Variants in ETNK1 observed in about 807,000 individuals in gnomAD.
The protein encoded by ETNK1 is ethanolamine kinase 1.
In ETNK1, 8 loss-of-function variants were observed where a neutral mutation model predicts 45.1. The ratio of observed to expected loss-of-function variants is 0.18; its 90% CI spans 0.10 to 0.32. The LOEUF (loss-of-function observed/expected upper bound fraction) is 0.32, where lower values mean the gene tolerates loss of function less well. Ranked by LOEUF, ETNK1 falls within the 10% of genes least tolerant of loss-of-function variation. The pLI, the probability that ETNK1 is intolerant of heterozygous loss-of-function variation, is 1.00. For missense variants in ETNK1, 302 were observed against 430.6 expected (o/e 0.70, Z 2.64); for synonymous variants, 152 against 151.9 (o/e 1.00, Z -0.01).
chr12:22,632,168 G>A (rs8181769), intron 1 of ETNK1, among the ~76,000 whole-genome samples: 43,832 of 151,056 alleles, frequency 0.29, 6,647 homozygotes, highest in Non-Finnish European at 0.33. Flanking sequence ...AGTGCATGAA[G>A]GTCTTTGTAC....
chr12:22,625,174 G>A lies in ETNK1; in HGVS notation c.-257G>A, dbSNP rs765585549. On this transcript the variant is annotated 5_prime_UTR_variant, in exon 1 of 8. Transcript: ENST00000266517. ...CAGGCCAGCCCCGGCATGCTCTGCG[G>A]CCGCCCGCGGTCCAGCTCCGACAAC... 6.3e-7 allele frequency: 1 copy of A among 1,596,322 alleles called. No homozygotes were observed. Among genetic ancestry groups the A allele is most frequent in the Admixed American group, 1.7e-5 (1 of 59,184 alleles).
At chr12:22,647,961 T>C (rs1953827938) in intron 2 of ETNK1, among the ~76,000 whole-genome samples, 1 of 151,992 alleles carries the variant, frequency 6.6e-6, no homozygotes, top group African/African-American at 2.4e-5. Context: ...ATCAGATATC[T>C]TTTAAATGAT....
intron 3 of ETNK1, among the ~76,000 whole-genome samples, chr12:22,660,395 A>G (rs1484144768): frequency 1.3e-5 from 2 of 152,176 alleles, no homozygotes; most frequent in Non-Finnish European, 2.9e-5. Context: ...AATTAATACA[A>G]GTATAGATAA....
chr12:22,626,094 A>C (rs1476648846), intron 1 of ETNK1: 1 of 343,364 alleles, frequency 2.9e-6, no homozygotes, highest in Non-Finnish European at 5.8e-6. Flanking sequence ...AGTAATGACC[A>C]CGACCATGCA....
chr12:22,680,074 C>A (rs533440566), intron 6 of ETNK1, among the ~76,000 whole-genome samples: 1 of 152,276 alleles, frequency 6.6e-6, no homozygotes, highest in Admixed American at 6.5e-5. Flanking sequence ...TGCTCAGTCT[C>A]TTAATCTGGC....
chr12:22,678,908 T>C (rs1391440178), intron 6 of ETNK1, among the ~76,000 whole-genome samples: 1 of 152,244 alleles, frequency 6.6e-6, no homozygotes, highest in African/African-American at 2.4e-5. Flanking sequence ...GTTATGTTTA[T>C]ATGTATTTTG....
chr12:22,671,841 T>TA (rs555930582), intron 5 of ETNK1, among the ~76,000 whole-genome samples: 1,916 of 98,186 alleles, frequency 0.02, 56 homozygotes, highest in African/African-American at 0.058. Flanking sequence ...TCCATCTCAT[T>TA]AAAAAAAAAA....
intron 2 of ETNK1, 116 bp downstream of exon 2, chr12:22,644,138 T>G (rs939597715): frequency 6.7e-7 from 1 of 1,503,370 alleles, no homozygotes; most frequent in African/African-American, 1.4e-5. Context: ...TTAGAAACTT[T>G]CTTTAGCTAG....
chr12:22,670,691 C>A (rs1954099213), intron 4 of ETNK1, among the ~76,000 whole-genome samples: 1 of 152,062 alleles, frequency 6.6e-6, no homozygotes, highest in East Asian at 1.9e-4. Context: ...GATATGGAAA[C>A]CTTGGTTAGG....
At chr12:22,644,331 A>G (rs1241191241) in intron 2 of ETNK1, 1 of 1,539,296 alleles carries the variant, frequency 6.5e-7, no homozygotes, top group Non-Finnish European at 8.8e-7. Context: ...AGTGTTATAC[A>G]TTTCTTACTG....
rs377063571 is a variant in ETNK1, at chr12:22,644,344, G to A, written c.416+322G>A. ...GAAGTGTTATACATTTCTTACTGCC[G>A]ATTGCTTATTACTTAATTGTTCATG... On this transcript the variant is annotated intron_variant, in intron 2 of 7. Coordinates refer to ENST00000266517, the MANE Select transcript of ETNK1 (RefSeq NM_018638.5). 9.9e-6 allele frequency: 15 copies of A among 1,511,010 alleles called. No individual in the cohort carries two copies. The African/African-American group carries it at 1.1e-4, about 11-fold the overall frequency. The allele number at this position is 1,511,010 out of a possible 1,614,324, so 93.6% of individuals were successfully genotyped here.
chr12:22,684,494 C>A lies in ETNK1; in HGVS notation c.957C>A (p.Phe319Leu). 6.2e-7 allele frequency: 1 copy of A among 1,608,418 alleles called. No homozygotes were observed. The highest frequency in any genetic ancestry group is 1.3e-5 in the African/African-American group (1 of 74,704). Residue 319 changes from phenylalanine (F) to leucine (L), a missense_variant, in exon 7 of 8, where the codon TTC (phenylalanine) becomes TTA (leucine). By Grantham distance (22) the Phe-to-Leu change is conservative. This residue lies in a region of ETNK1 where 94 missense variants were observed against 152.9 expected (regional missense o/e 0.61). Coordinates refer to ENST00000266517, the MANE Select transcript of ETNK1 (RefSeq NM_018638.5). Reference sequence around the variant, plus strand: ...TTCCTTCTTTTAAGGCTTCTCATTTCTTTTGGGGATTGTGGGCTTTGATTC... The same window carrying A: ...TTCCTTCTTTTAAGGCTTCTCATTTATTTTGGGGATTGTGGGCTTTGATTC... The part of the protein sequence containing the change: ...QVNQFALASH[F>L]FWGLWALIQA...
chr12:22,680,462 A>G (rs1009893494), intron 6 of ETNK1, among the ~76,000 whole-genome samples: 1 of 152,040 alleles, frequency 6.6e-6, no homozygotes, highest in Non-Finnish European at 1.5e-5. Context: ...CTTATTTCCC[A>G]CTACTTCACA....
chr12:22,651,937 C>T (rs1056698433), intron 2 of ETNK1, among the ~76,000 whole-genome samples: 10 of 152,228 alleles, frequency 6.6e-5, no homozygotes, highest in South Asian at 2.1e-4. Flanking sequence ...CTGCCCACCT[C>T]GGCCTCCCAA....
At position 22,684,970 on chromosome 12, in the gene ETNK1, A is replaced by T; in HGVS notation, c.*16A>T. ...GCCTGAGTAAAGAAGAGATTTAATT[A>T]TTCTCCAGTAGCTGAGCAATGCTTG... is the stretch of plus-strand genomic sequence containing the variant. On this transcript the variant is annotated 3_prime_UTR_variant, in exon 8 of 8. Transcript: ENST00000266517. 1.3e-6 allele frequency: 2 copies of T among 1,554,014 alleles called. No individual in the cohort carries two copies.
intron 2 of ETNK1, among the ~76,000 whole-genome samples, chr12:22,652,552 T>G (rs915233619): frequency 6.6e-6 from 1 of 152,200 alleles, no homozygotes; most frequent in Non-Finnish European, 1.5e-5. Flanking sequence ...CTAATGGATA[T>G]GAGGTGGTAT....
chr12:22,637,202 A>C (rs1045422329), intron 1 of ETNK1, among the ~76,000 whole-genome samples: 2 of 152,248 alleles, frequency 1.3e-5, no homozygotes, highest in African/African-American at 2.4e-5. Context: ...CTCTCAAGAC[A>C]TTAAGCCGGG....
intron 1 of ETNK1, among the ~76,000 whole-genome samples, chr12:22,635,905 A>G (rs1953649995): frequency 6.6e-6 from 1 of 152,084 alleles, no homozygotes; most frequent in Non-Finnish European, 1.5e-5. Flanking sequence ...AAAAGAATGT[A>G]TGTTCTTGGC....
intron 6 of ETNK1, among the ~76,000 whole-genome samples, chr12:22,680,626 G>A (rs1954204975): frequency 6.6e-6 from 1 of 152,118 alleles, no homozygotes; most frequent in South Asian, 2.1e-4. Context: ...TGTGTCTTAA[G>A]TGCTGTTTCC....
Sources: allele counts gnomAD v4.1 joint callset (sites outside exome capture counted in the v4.1 genomes callset), GRCh38; gene constraint gnomAD v4.1.1; regional missense constraint gnomAD v4.1.1; transcripts MANE v1.5; gene names NCBI Gene and HGNC (gene_info 2026-07-23, HGNC 2026-07-21).